The following TENT5D variants were observed in gnomAD, a reference collection of about 807,000 sequenced individuals.
TENT5D encodes terminal nucleotidyltransferase 5D, also known as cancer/testis antigen 112.
For missense variants in TENT5D, 191 were observed against 287.0 expected, an observed-to-expected ratio of 0.67 and a Z score of 2.42; for synonymous variants, 103 against 100.6, an observed-to-expected ratio of 1.02 and a Z score of -0.15.
At chrX:80,379,874 G>A (rs1930819776) in intron 3 of TENT5D, among the ~76,000 whole-genome samples, 1 of 108,698 alleles carries the variant, frequency 9.2e-6, no homozygotes, top group Non-Finnish European at 1.9e-5. Flanking sequence ...CTTGCTAGTG[G>A]CCTATACATT....
intron 3 of TENT5D, among the ~76,000 whole-genome samples, chrX:80,382,828 C>G (rs1930901535): frequency 8.9e-6 from 1 of 112,066 alleles, no homozygotes; most frequent in South Asian, 3.8e-4. Flanking sequence ...TCCTGGTGTG[C>G]CATTTGCTAA....
intron 3 of TENT5D, among the ~76,000 whole-genome samples, chrX:80,392,781 G>T: frequency 9.2e-6 from 1 of 109,085 alleles, no homozygotes; most frequent in Non-Finnish European, 1.9e-5. Flanking sequence ...CTCCCAAAGT[G>T]CTGGGATTAC....
chrX:80,432,152 A>G (rs975958095), intron 1 of TENT5D, among the ~76,000 whole-genome samples: 24 of 111,193 alleles, frequency 2.2e-4, no homozygotes, highest in Non-Finnish European at 3.0e-4. Flanking sequence ...CAGGGATAGG[A>G]AACATGATAG....
chrX:80,407,083 A>G (rs1407961115), intron 3 of TENT5D, among the ~76,000 whole-genome samples: 4 of 109,334 alleles, frequency 3.7e-5, no homozygotes, highest in Admixed American at 2.0e-4. Flanking sequence ...CCTGCCCTAA[A>G]AGAGCTCTTG....
At chrX:80,352,258 G>A (rs995384657) in intron 3 of TENT5D, among the ~76,000 whole-genome samples, 2 of 111,573 alleles carry the variant, frequency 1.8e-5, no homozygotes, top group Non-Finnish European at 3.8e-5. Flanking sequence ...CTGAAGTTAC[G>A]CCCACAGCCC....
At chrX:80,418,529 T>C (rs982930433), upstream of TENT5D, among the ~76,000 whole-genome samples, 2 of 111,405 alleles carry the variant, frequency 1.8e-5, no homozygotes, top group Admixed American at 1.9e-4. Context: ...CCAGAATATT[T>C]GGATTGCTAA....
At chrX:80,403,030 A>G (rs1569367553) in intron 3 of TENT5D, among the ~76,000 whole-genome samples, 1 of 111,972 alleles carries the variant, frequency 8.9e-6, no homozygotes, top group Non-Finnish European at 1.9e-5. Context: ...CCTATGGTGT[A>G]AAATTATTTA....
chrX:80,368,531 G>A (rs753202039), intron 3 of TENT5D, among the ~76,000 whole-genome samples: 5 of 111,473 alleles, frequency 4.5e-5, no homozygotes, highest in African/African-American at 9.8e-5. Context: ...CCGGTGCCTC[G>A]TAGGTATTTG....
chrX:80,397,672 A>G (rs1931306476), intron 3 of TENT5D, among the ~76,000 whole-genome samples: 1 of 112,269 alleles, frequency 8.9e-6, no homozygotes, highest in Non-Finnish European at 1.9e-5. Context: ...TCCGTCTGCA[A>G]TCCCGGCACC....
At chrX:80,384,701 G>T (rs184939322) in intron 3 of TENT5D, among the ~76,000 whole-genome samples, 18 of 104,312 alleles carry the variant, frequency 1.7e-4, no homozygotes, top group Admixed American at 6.4e-4. Flanking sequence ...AAAATCTCCT[G>T]AAGCTGATAA....
At chrX:80,413,538 A>T (rs1931712671) in intron 3 of TENT5D, among the ~76,000 whole-genome samples, 1 of 111,661 alleles carries the variant, frequency 9.0e-6, no homozygotes, top group South Asian at 3.7e-4. Context: ...TAATTGAATC[A>T]TGGGGGCTGG....
chrX:80,401,354 G>A (rs1240291921), intron 3 of TENT5D, among the ~76,000 whole-genome samples: 2 of 111,467 alleles, frequency 1.8e-5, no homozygotes, highest in East Asian at 5.6e-4. Flanking sequence ...CATGTCATCA[G>A]CAAACAGCAA....
intron 1 of TENT5D, among the ~76,000 whole-genome samples, chrX:80,435,494 A>G (rs1199406644): frequency 5.3e-5 from 6 of 112,438 alleles, no homozygotes; most frequent in Non-Finnish European, 7.5e-5. Context: ...AACCTGAAAT[A>G]TGTTTCAAGA....
intron 3 of TENT5D, among the ~76,000 whole-genome samples, chrX:80,343,591 G>T (rs1930003379): frequency 9.2e-6 from 1 of 108,618 alleles, no homozygotes; most frequent in African/African-American, 3.4e-5. Flanking sequence ...GTAGAGACAG[G>T]GTTTCTCCAT....
At position 80,422,691 on chromosome X, in the gene TENT5D, G is replaced by GT. The variant is rs779471958; in HGVS notation, c.-142+2136dup. 4.9e-4 allele frequency among the ~76,000 whole-genome samples: 54 copies of GT among 110,168 alleles called. 1 individual carries two copies. Among genetic ancestry groups the GT allele is most frequent in the East Asian group, 4.6e-3 (16 of 3,472 alleles). ...AGAGCTATGAACAGAAGTTTTTTGG[G>GT]TTTTTTTTGTTAGTAAAAGGCTTTT... On this transcript the variant is annotated intron_variant, in intron 1 of 2. Coordinates refer to ENST00000308293, the Ensembl canonical transcript of TENT5D.
chrX:80,360,462 C>G (rs933117450), intron 3 of TENT5D, among the ~76,000 whole-genome samples: 14 of 112,029 alleles, frequency 1.2e-4, no homozygotes, highest in African/African-American at 4.5e-4. Flanking sequence ...ATTGTTGGTG[C>G]TAGCCATACT....
At chrX:80,443,756 T>G (rs1327728271) in exon 3 of TENT5D, 1 of 1,026,844 alleles carries the variant, frequency 9.7e-7, no homozygotes, top group South Asian at 2.6e-5. Context: ...TAAACACCAT[T>G]TAAAAGCAAG....
chrX:80,355,121 C>A (rs771224488), intron 3 of TENT5D, among the ~76,000 whole-genome samples: 1 of 111,943 alleles, frequency 8.9e-6, no homozygotes, highest in African/African-American at 3.2e-5. Flanking sequence ...GGCAATAACA[C>A]TCCAAAAGGG....
intron 3 of TENT5D, among the ~76,000 whole-genome samples, chrX:80,401,208 T>C (rs775262309): frequency 8.9e-6 from 1 of 111,920 alleles, no homozygotes; most frequent in Non-Finnish European, 1.9e-5. Flanking sequence ...ATATCTTCTT[T>C]GGAAAATGTG....
Sources: allele counts gnomAD v4.1 joint callset (sites outside exome capture counted in the v4.1 genomes callset), GRCh38; gene constraint gnomAD v4.1.1; transcripts MANE v1.5; gene names NCBI Gene and HGNC (gene_info 2026-07-23, HGNC 2026-07-21).